The following CETP variants were observed in gnomAD, a reference collection of about 807,000 sequenced individuals.
CETP encodes BPI fold containing family F.
Under a neutral mutation model 66.5 loss-of-function variants are expected in CETP, and 56 were observed. The ratio of observed to expected loss-of-function variants is 0.84; its 90% CI spans 0.68 to 1.05. The LOEUF is 1.05. Among genes scored for constraint, CETP ranks in the 50% least tolerant of loss-of-function variants. The pLI, the probability that CETP is intolerant of heterozygous loss-of-function variation, is 0.00. For missense variants in CETP, 612 were observed against 609.6 expected (o/e 1.00, Z -0.04); for synonymous variants, 251 against 245.7 (o/e 1.02, Z -0.20).
intron 10 of CETP, 58 bp downstream of exon 10, chr16:56,975,209 CTT>C: frequency 6.9e-7 from 1 of 1,454,962 alleles, no homozygotes; most frequent in Non-Finnish European, 9.7e-7. Flanking sequence ...CCTGCTCTGG[CTT>C]CAAGAGCCCC....
chr16:56,969,555 G>T, intron 3 of CETP, 35 bp downstream of exon 3: 1 of 1,614,208 alleles, frequency 6.2e-7, no homozygotes, highest in Middle Eastern at 1.6e-4. Context: ...CCCATGCCCT[G>T]GCCCTCTCTG....
chr16:56,981,701 T>A (rs1197595215), intron 13 of CETP, 21 bp downstream of exon 13: 5 of 1,613,226 alleles, frequency 3.1e-6, no homozygotes, highest in Non-Finnish European at 3.4e-6. Context: ...TTGGATAGAC[T>A]GGGGGAAATA....
Position 56,962,751 on chromosome 16 carries a change from G to A in CETP, c.119-259G>A, listed in dbSNP as rs60195610. 4.7e-3 allele frequency among the ~76,000 whole-genome samples: 716 copies of A among 152,246 alleles called. 5 individuals are homozygous for A. Among genetic ancestry groups the A allele is most frequent in the African/African-American group, 0.013 (525 of 41,544 alleles). ...CAGGGCTGCCCCATTTGCTAGGATC[G>A]TGGGGTTCCCATGTGTCAGGATCCA... On this transcript the variant is annotated intron_variant, in intron 1 of 15. Coordinates refer to ENST00000200676, the MANE Select transcript of CETP (RefSeq NM_000078.3).
chr16:56,971,701 T>A (rs1362107853), intron 7 of CETP, among the ~76,000 whole-genome samples: 1 of 152,178 alleles, frequency 6.6e-6, no homozygotes, highest in Non-Finnish European at 1.5e-5. Flanking sequence ...GGCTGGGCAC[T>A]CATCCATGTA....
chr16:56,971,926 A>G (rs1280755008), intron 7 of CETP, 66 bp from the exon 8 acceptor site: 7 of 1,361,384 alleles, frequency 5.1e-6, no homozygotes, highest in African/African-American at 1.4e-5. Flanking sequence ...GTGTGGATGC[A>G]GGGGAGCGGT....
At chr16:56,981,041 T>C in intron 11 of CETP, 117 bp from the exon 12 acceptor site, 1 of 809,180 alleles carries the variant, frequency 1.2e-6, no homozygotes, top group East Asian at 2.4e-5. Context: ...CTGGTTCCCG[T>C]GTCATCCTTG....
In CETP at chr16:56,971,101, A is replaced by T; in HGVS notation, c.596A>T (p.Gln199Leu). 17 of 1,613,936 alleles carry T rather than the reference A, an allele frequency of 1.1e-5. No homozygotes were observed. Among genetic ancestry groups the T allele is most frequent in the Non-Finnish European group, 1.4e-5 (16 of 1,179,910 alleles). The change falls in exon 6 of 16, where the codon CAG becomes CTG. Residue 199 changes from glutamine to leucine, a missense_variant and splice_region_variant. By Grantham distance (113) the Gln-to-Leu change is moderately radical. Coordinates refer to ENST00000200676, the MANE Select transcript of CETP (RefSeq NM_000078.3). ...SFTLKLVLKG[Q>L]ICKEINVISN... is the part of the protein sequence containing the mutation. ...ACCCTGAAGCTGGTCCTGAAGGGAC[A>T]GGTGAGTGAGGCTGGCTGACTCCCT... is the stretch of plus-strand genomic sequence containing the variant.
At chr16:56,972,164 C>T in intron 8 of CETP, 81 bp downstream of exon 8, 3 of 1,060,196 alleles carry the variant, frequency 2.8e-6, no homozygotes, top group Non-Finnish European at 4.3e-6. Flanking sequence ...AACCCCGTCC[C>T]CCAGCTTCAA....
At chr16:56,969,210 G>A (rs1227194718) in intron 2 of CETP, among the ~76,000 whole-genome samples, 176 bp from the exon 3 acceptor site, 3 of 152,112 alleles carry the variant, frequency 2.0e-5, no homozygotes, top group Non-Finnish European at 4.4e-5. Context: ...CACGAGTTGA[G>A]TGTGGTACCC....
In CETP at chr16:56,983,835, T is replaced by C; in HGVS notation, c.*169T>C. 4.3e-6 allele frequency: 3 copies of C among 701,138 alleles called. No individual in the cohort carries two copies. Among genetic ancestry groups the C allele is most frequent in the East Asian group, 2.8e-5 (1 of 36,074 alleles). The allele number at this position is 701,138 out of a possible 1,614,324, so 43.4% of individuals were successfully genotyped here. A position where few individuals can be genotyped will look rare whatever the true frequency, so the allele number is the denominator to read the frequency against. On this transcript the variant is annotated 3_prime_UTR_variant, in exon 16 of 16. Coordinates refer to ENST00000200676, the MANE Select transcript of CETP (RefSeq NM_000078.3). ...TAAAGGCCCACTGGCATTAAAGTGC[T>C]GTATCCAAGAGCTGCGGAGTCCTTC... is the stretch of plus-strand genomic sequence containing the variant.
chr16:56,968,492 C>A (rs12597002), intron 2 of CETP, among the ~76,000 whole-genome samples: 37,925 of 152,034 alleles, frequency 0.25, 5,288 homozygotes, highest in East Asian at 0.4. Flanking sequence ...GGCCCACCAA[C>A]CTATTTTTGA....
In CETP at chr16:56,968,248, C is replaced by T. The variant is rs562712675; in HGVS notation, c.234-1138C>T. Among the ~76,000 whole-genome samples, 7 of 152,054 alleles carry T rather than the reference C, an allele frequency of 4.6e-5. No homozygotes were observed. The South Asian group carries it at 6.2e-4, about 14-fold the overall frequency. On this transcript the variant is annotated intron_variant, in intron 2 of 15. Transcript: ENST00000200676. ...TTGCCCAGGCTGGAGTGTAATGGCG[C>T]GATCTCAGCTCACTGCAACTTCCGC...
intron 10 of CETP, 122 bp from the exon 11 acceptor site, chr16:56,977,969 C>G: frequency 8.5e-7 from 1 of 1,176,478 alleles, no homozygotes; most frequent in African/African-American, 1.5e-5. Context: ...CTACCCCGAG[C>G]TACTTCCTTT....
chr16:56,969,327 C>G (rs1275415901), intron 2 of CETP, 59 bp from the exon 3 acceptor site: 1 of 1,611,228 alleles, frequency 6.2e-7, no homozygotes, highest in African/African-American at 1.3e-5. Flanking sequence ...ATTGGAGGCT[C>G]ACTCCTTGGG....
chr16:56,972,352 T>C (rs1340346765), intron 8 of CETP, among the ~76,000 whole-genome samples: 1 of 151,476 alleles, frequency 6.6e-6, no homozygotes, highest in Non-Finnish European at 1.5e-5. Flanking sequence ...GAGGGCTTAT[T>C]CGGCTTCTGT....
chr16:56,967,519 G>A (rs898355922), intron 2 of CETP, among the ~76,000 whole-genome samples: 2 of 151,922 alleles, frequency 1.3e-5, no homozygotes, highest in South Asian at 2.1e-4. Flanking sequence ...GCTGGATGTC[G>A]TGGCGGGAGC....
chr16:56,971,373 C>T lies in CETP; in HGVS notation c.650C>T (p.Thr217Ile). Residue 217 changes from threonine to isoleucine, a missense_variant, in exon 7 of 16, where the codon ACA becomes ATA. Transcript: ENST00000200676. ...AACATCATGGCCGATTTTGTCCAGACAAGGGCTGGTGAGTGCGTTTCTGTC... is the reference window on the plus strand; with the variant it reads ...AACATCATGGCCGATTTTGTCCAGATAAGGGCTGGTGAGTGCGTTTCTGTC... ...ISNIMADFVQ[T>I]RAASILSDGD... 6.2e-7 allele frequency: 1 copy of T among 1,614,012 alleles called. No individual in the cohort carries two copies. Among genetic ancestry groups the T allele is most frequent in the Non-Finnish European group, 8.5e-7 (1 of 1,179,984 alleles).
In CETP at chr16:56,981,226, G is replaced by A. The variant is rs749941564; in HGVS notation, c.1214+1G>A. The stretch of plus-strand genomic sequence containing the variant: ...TCTTCTTAAGCCTCTTGGATTTCCA[G>A]TATGTGCTGCAGAGAAGAGAGGGGG... On this transcript the variant is annotated splice_donor_variant, in intron 12 of 15. Coordinates refer to ENST00000200676, the MANE Select transcript of CETP (RefSeq NM_000078.3). LOFTEE classifies it high-confidence loss of function. The A allele has an allele frequency of 1.9e-6, 3 of 1,610,448 alleles. No homozygotes were observed. The South Asian group carries it at 3.3e-5, about 18-fold the overall frequency.
chr16:56,971,509 C>A, intron 7 of CETP, 128 bp downstream of exon 7: 1 of 860,660 alleles, frequency 1.2e-6, no homozygotes, highest in Non-Finnish European at 2.0e-6. Context: ...CTGGCTCTGA[C>A]ACTTGATGAT....
Sources: allele counts gnomAD v4.1 joint callset (sites outside exome capture counted in the v4.1 genomes callset), GRCh38; gene constraint gnomAD v4.1.1; transcripts MANE v1.5; gene names NCBI Gene and HGNC (gene_info 2026-07-23, HGNC 2026-07-21).